Variants in PODXL2 observed in about 807,000 individuals in gnomAD.
The protein encoded by PODXL2 is podocalyxin-like protein 2.
A neutral mutation model predicts 53.4 loss-of-function variants in PODXL2; 17 were observed. That is an observed-to-expected ratio of 0.32 (90% confidence interval 0.22 to 0.48). The LOEUF is 0.48. Ranked by LOEUF, PODXL2 falls within the 20% of genes least tolerant of loss-of-function variation. PODXL2 has a pLI of 0.99. For missense variants in PODXL2, 673 were observed against 760.0 expected (o/e 0.89, Z 1.35); for synonymous variants, 311 against 306.7 (o/e 1.01, Z -0.15).
intron 2 of PODXL2, among the ~76,000 whole-genome samples, chr3:127,656,189 C>G (rs1015907946): frequency 5.3e-5 from 8 of 152,184 alleles, no homozygotes; most frequent in African/African-American, 1.9e-4. Context: ...TTTGTAATGC[C>G]ATTGGTGTAT....
At position 127,672,465 on chromosome 3, in the gene PODXL2, G is replaced by C; in HGVS notation, c.1803G>C (p.Glu601Asp). ...CCGAGGACTCGGACGTGTTCGAGGA[G>C]GACACGCACCTGTGAGCGCAGCCGA... The part of the protein sequence containing the change: ...RDPEDSDVFE[E>D]DTHL The change falls in exon 8 of 8, where the codon GAG (glutamate) becomes GAC (aspartate). Residue 601 changes from glutamate to aspartate, a missense_variant. By Grantham distance (45) the Glu-to-Asp change is conservative. Transcript: ENST00000342480. 6.6e-7 allele frequency: 1 copy of C among 1,523,360 alleles called. No individual in the cohort carries two copies. Among genetic ancestry groups the C allele is most frequent in the Non-Finnish European group, 8.8e-7 (1 of 1,136,966 alleles). 94.4% of individuals were successfully genotyped at this position (1,523,360 alleles called of 1,614,324 possible).
chr3:127,659,410 G>C, intron 2 of PODXL2, among the ~76,000 whole-genome samples: 1 of 152,108 alleles, frequency 6.6e-6, no homozygotes, highest in Non-Finnish European at 1.5e-5. Flanking sequence ...TTTGATAAAA[G>C]TTTTGGAGGA....
At chr3:127,659,321 C>T (rs768416296) in intron 2 of PODXL2, among the ~76,000 whole-genome samples, 9 of 152,126 alleles carry the variant, frequency 5.9e-5, no homozygotes, top group Non-Finnish European at 8.8e-5. Flanking sequence ...TTCCTATAAT[C>T]TCATCTGCTT....
In PODXL2 at chr3:127,668,386, C is replaced by T. The variant is rs145760645; in HGVS notation, c.1207-55C>T. ...CGGGGCTGGGCCTAGAGGCAGAGGG[C>T]TCAGTAGAGCCCCTTTCCTTCACTG... is the stretch of plus-strand genomic sequence containing the variant. On this transcript the variant is annotated intron_variant, in intron 4 of 7. Transcript: ENST00000342480. The T allele has an allele frequency of 3.3e-4, 476 of 1,422,450 alleles. 2 individuals carry two copies. In the African/African-American group the frequency reaches 6.0e-3, roughly 18 times the overall value. 88.1% of individuals were successfully genotyped at this position (1,422,450 alleles called of 1,614,324 possible).
chr3:127,635,756 C>G (rs1402345574), intron 1 of PODXL2, among the ~76,000 whole-genome samples: 1 of 152,180 alleles, frequency 6.6e-6, no homozygotes, highest in African/African-American at 2.4e-5. Flanking sequence ...CATGCTGGTT[C>G]AAGTTTGAAA....
At chr3:127,672,135 C>A in intron 7 of PODXL2, 133 bp from the exon 8 acceptor site, 1 of 654,438 alleles carries the variant, frequency 1.5e-6, no homozygotes, top group East Asian at 2.8e-5. Flanking sequence ...GCTGCAGCAA[C>A]AGAAAAGAAG....
chr3:127,662,376 A>AGG, intron 4 of PODXL2, 65 bp downstream of exon 4: 1 of 1,342,080 alleles, frequency 7.5e-7, no homozygotes, highest in South Asian at 1.2e-5. Flanking sequence ...GGTGGGGCAG[A>AGG]GGGCAGGCTG....
intron 4 of PODXL2, among the ~76,000 whole-genome samples, chr3:127,668,059 C>T (rs1271413343): frequency 6.6e-6 from 1 of 152,112 alleles, no homozygotes; most frequent in Admixed American, 6.5e-5. Flanking sequence ...GGCCTTACCA[C>T]TCTGTGTACC....
intron 2 of PODXL2, 114 bp downstream of exon 2, chr3:127,639,637 C>A: frequency 9.8e-7 from 1 of 1,015,930 alleles, no homozygotes; most frequent in Non-Finnish European, 1.4e-6. Context: ...ACAGTTTTTA[C>A]CATGCTGCTG....
At position 127,634,704 on chromosome 3, in the gene PODXL2, C is replaced by T. The variant is rs570314986; in HGVS notation, c.71-4541C>T. Among the ~76,000 whole-genome samples the T allele has an allele frequency of 3.9e-5, 6 of 151,952 alleles. No homozygotes were observed. In the East Asian group the frequency reaches 7.7e-4, roughly 20 times the overall value. The stretch of plus-strand genomic sequence containing the variant: ...ACGCGCCATTGCACTCCAGCCTGGG[C>T]GACAAGAGTGAAACTGTCTGAAAAA... On this transcript the variant is annotated intron_variant, in intron 1 of 7. Transcript: ENST00000342480.
intron 1 of PODXL2, among the ~76,000 whole-genome samples, chr3:127,636,523 C>T (rs1200842696): frequency 6.6e-6 from 1 of 152,244 alleles, no homozygotes; most frequent in Non-Finnish European, 1.5e-5. Flanking sequence ...ATACCTTTGG[C>T]TCAAAGAAAC....
chr3:127,632,884 T>G (rs1223883865), intron 1 of PODXL2, among the ~76,000 whole-genome samples: 2 of 152,136 alleles, frequency 1.3e-5, no homozygotes, highest in Non-Finnish European at 2.9e-5. Context: ...CTAATAGAAA[T>G]TTTACCTCTA....
Position 127,668,457 on chromosome 3 carries a change from A to G in PODXL2, c.1223A>G (p.His408Arg). The G allele has an allele frequency of 6.6e-7, 1 of 1,526,152 alleles. No homozygotes were observed. Among genetic ancestry groups the G allele is most frequent in the Admixed American group, 2.1e-5 (1 of 48,772 alleles). The allele number at this position is 1,526,152 out of a possible 1,614,324, so 94.5% of individuals were successfully genotyped here. Residue 408 changes from histidine to arginine, a missense_variant, in exon 5 of 8, where the codon CAC (histidine) becomes CGC (arginine). Transcript: ENST00000342480. ...CCCTTGTAGGAGGTGTTCCGGCAGC[A>G]CCGGGGGCCACAGCTCCTGGCCCTG... The part of the protein sequence containing the change: ...ENIDCEVFRQ[H>R]RGPQLLALVE...
At chr3:127,630,652 A>T (rs758403189) in intron 1 of PODXL2, among the ~76,000 whole-genome samples, 1 of 152,176 alleles carries the variant, frequency 6.6e-6, no homozygotes, top group South Asian at 2.1e-4. Context: ...GGTCCCTCGC[A>T]CATTCCTGTG....
chr3:127,672,797 C>A lies in PODXL2; in HGVS notation c.*317C>A. Reference sequence around the variant, plus strand: ...AACCCGCCCGGAGACCACGCCGGGCCCAGCGCGTCTGCCTTCTTGACTCAT... The same window carrying A: ...AACCCGCCCGGAGACCACGCCGGGCACAGCGCGTCTGCCTTCTTGACTCAT... On this transcript the variant is annotated 3_prime_UTR_variant, in exon 8 of 8. Transcript: ENST00000342480. The A allele has an allele frequency of 2.9e-6, 1 of 339,456 alleles. No homozygotes were observed. The highest frequency in any genetic ancestry group is 2.2e-5 in the African/African-American group (1 of 46,492). The allele number at this position is 339,456 out of a possible 1,614,324, so 21.0% of individuals were successfully genotyped here. A position where few individuals can be genotyped will look rare whatever the true frequency, so the allele number is the denominator to read the frequency against.
chr3:127,655,394 A>G (rs1381573380), intron 2 of PODXL2, among the ~76,000 whole-genome samples: 1 of 152,134 alleles, frequency 6.6e-6, no homozygotes, highest in Non-Finnish European at 1.5e-5. Context: ...CAACAGAGTG[A>G]GACTCTGTCT....
At chr3:127,670,676 A>G (rs2074826701) in intron 6 of PODXL2, among the ~76,000 whole-genome samples, 1 of 152,162 alleles carries the variant, frequency 6.6e-6, no homozygotes. Context: ...GCCTGGTGCA[A>G]CCTAGGCCTC....
chr3:127,655,531 ACCAGAG>A (rs937285154), intron 2 of PODXL2, among the ~76,000 whole-genome samples: 2 of 152,212 alleles, frequency 1.3e-5, no homozygotes, highest in African/African-American at 4.8e-5. Flanking sequence ...CTGAACCCTG[ACCAGAG>A]CCCTGTGTGG....
At position 127,672,523 on chromosome 3, in the gene PODXL2, G is replaced by T; in HGVS notation, c.*43G>T. On this transcript the variant is annotated 3_prime_UTR_variant, in exon 8 of 8. Coordinates refer to ENST00000342480, the MANE Select transcript of PODXL2 (RefSeq NM_015720.4). ...GCCGAGTGGGCCGCCAGGACCAAGC[G>T]AGGTGGACCCCGAAACGGACGGCCC... 1.5e-6 allele frequency: 2 copies of T among 1,293,192 alleles called. No individual in the cohort carries two copies. Among genetic ancestry groups the T allele is most frequent in the South Asian group, 3.0e-5 (2 of 65,732 alleles). 80.1% of individuals were successfully genotyped at this position (1,293,192 alleles called of 1,614,324 possible).
Sources: allele counts gnomAD v4.1 joint callset (sites outside exome capture counted in the v4.1 genomes callset), GRCh38; gene constraint gnomAD v4.1.1; transcripts MANE v1.5; gene names NCBI Gene and HGNC (gene_info 2026-07-23, HGNC 2026-07-21).